Variants in WDR49 observed in about 807,000 individuals in gnomAD.
WDR49 encodes the protein cilia- and flagella-associated protein 337.
WDR49 carries 107 observed loss-of-function variants against 119.5 expected under a neutral mutation model. The observed-to-expected ratio is 0.90, with a 90% CI of 0.77 to 1.05. WDR49 has a LOEUF of 1.05. Among genes scored for constraint, WDR49 ranks in the 50% least tolerant of loss-of-function variants. The pLI, the probability that WDR49 is intolerant of heterozygous loss-of-function variation, is 0.00. For synonymous variants in WDR49, 425 were observed against 418.8 expected (o/e 1.01, Z -0.18); for missense variants, 1,240 against 1,220.5 (o/e 1.02, Z -0.24).
intron 18 of WDR49, among the ~76,000 whole-genome samples, chr3:167,498,685 A>G (rs1751449091): frequency 6.6e-6 from 1 of 152,178 alleles, no homozygotes. Context: ...CCTCCAGAGA[A>G]ATAGGCAATA....
chr3:167,613,240 A>G (rs971681077), intron 5 of WDR49, among the ~76,000 whole-genome samples: 5 of 152,216 alleles, frequency 3.3e-5, no homozygotes, highest in Admixed American at 2.6e-4. Context: ...TATCTATTCT[A>G]TCTTTAAAAT....
chr3:167,483,724 C>A (rs894489260), intron 18 of WDR49, among the ~76,000 whole-genome samples: 13 of 152,148 alleles, frequency 8.5e-5, no homozygotes, highest in African/African-American at 3.1e-4. Flanking sequence ...TAAAAAGATA[C>A]CTGAAATGCT....
intron 16 of WDR49, among the ~76,000 whole-genome samples, chr3:167,521,511 T>A (rs867157003): frequency 7.9e-5 from 12 of 152,330 alleles, no homozygotes; most frequent in Middle Eastern, 6.8e-3. Flanking sequence ...TAACATAGAA[T>A]GTTACAGAAG....
chr3:167,532,550 T>C (rs1041140793), intron 12 of WDR49, among the ~76,000 whole-genome samples: 38 of 152,094 alleles, frequency 2.5e-4, no homozygotes, highest in Admixed American at 7.2e-4. Context: ...CCAAAGGGTA[T>C]CTAACGTTCA....
intron 3 of WDR49, among the ~76,000 whole-genome samples, chr3:167,624,036 AATAAG>A (rs1239199208): frequency 6.6e-6 from 1 of 152,008 alleles, no homozygotes. Flanking sequence ...CTCGAAACTC[AATAAG>A]ATAACAATCC....
At chr3:167,577,148 C>A (rs1714290333) in intron 7 of WDR49, among the ~76,000 whole-genome samples, 1 of 152,064 alleles carries the variant, frequency 6.6e-6, no homozygotes, top group Admixed American at 6.6e-5. Context: ...GCTTTAGATT[C>A]AATAGACATT....
At chr3:167,593,799 T>C (rs887942178) in intron 7 of WDR49, among the ~76,000 whole-genome samples, 1 of 152,068 alleles carries the variant, frequency 6.6e-6, no homozygotes, top group South Asian at 2.1e-4. Flanking sequence ...GTAATCCCCA[T>C]GTGCTGAGGG....
chr3:167,529,211 T>A lies in WDR49; in HGVS notation c.2247A>T (p.Gly749=). ...TGGANLVSCG[G]SGYVRFWDIY... ...TATCCCAAAATCTGACATAACCAGA[T>A]CCTCCACATGATACCAGGTTAGCTC... The change falls in exon 14 of 19, where the codon GGA becomes GGT. Residue 749 remains glycine, a synonymous_variant. Transcript: ENST00000682715. The A allele has an allele frequency of 6.2e-7, 1 of 1,605,830 alleles. No individual in the cohort carries two copies. Among genetic ancestry groups the A allele is most frequent in the Non-Finnish European group, 8.5e-7 (1 of 1,177,340 alleles).
At chr3:167,491,728 T>G (rs1056900105) in intron 18 of WDR49, among the ~76,000 whole-genome samples, 12 of 152,112 alleles carry the variant, frequency 7.9e-5, no homozygotes, top group African/African-American at 2.9e-4. Context: ...TGGCAAAACC[T>G]GACTCAGAGG....
chr3:167,568,094 C>T (rs951457861), intron 8 of WDR49, among the ~76,000 whole-genome samples: 1 of 152,158 alleles, frequency 6.6e-6, no homozygotes, highest in South Asian at 2.1e-4. Context: ...TATTAATAAA[C>T]ATCCTTTGTG....
At chr3:167,635,613 A>C (rs1180535537) in intron 2 of WDR49, among the ~76,000 whole-genome samples, 5 of 151,692 alleles carry the variant, frequency 3.3e-5, no homozygotes, top group African/African-American at 1.2e-4. Context: ...TCCCAGTTTA[A>C]CACTACTGAG....
intron 8 of WDR49, among the ~76,000 whole-genome samples, chr3:167,569,652 A>G (rs1383936753): frequency 6.6e-6 from 1 of 150,598 alleles, no homozygotes; most frequent in Non-Finnish European, 1.5e-5. Flanking sequence ...AGCCATGATC[A>G]TGCCACTACA....
At chr3:167,513,191 G>C (rs112798610) in intron 16 of WDR49, among the ~76,000 whole-genome samples, 7 of 152,102 alleles carry the variant, frequency 4.6e-5, no homozygotes, top group African/African-American at 1.7e-4. Flanking sequence ...AAAATTAAAG[G>C]GCAGCCAGAG....
intron 5 of WDR49, among the ~76,000 whole-genome samples, chr3:167,612,953 T>C (rs1350261239): frequency 1.3e-5 from 2 of 152,198 alleles, no homozygotes; most frequent in Non-Finnish European, 2.9e-5. Flanking sequence ...CAAAAAAATT[T>C]ACTTAAAAAG....
chr3:167,485,747 A>G (rs1414279048), intron 18 of WDR49, among the ~76,000 whole-genome samples: 8 of 152,168 alleles, frequency 5.3e-5, no homozygotes, highest in Admixed American at 5.2e-4. Context: ...TCTGAAAACT[A>G]TGAGATTATA....
chr3:167,608,587 G>T (rs1716175870), intron 5 of WDR49, among the ~76,000 whole-genome samples: 1 of 152,180 alleles, frequency 6.6e-6, no homozygotes, highest in Admixed American at 6.5e-5. Flanking sequence ...GAATGCCAGA[G>T]TTCCTGAGAG....
At chr3:167,657,623 C>T (rs1352721790), upstream of WDR49, among the ~76,000 whole-genome samples, 1 of 151,872 alleles carries the variant, frequency 6.6e-6, no homozygotes, top group East Asian at 1.9e-4. Context: ...ACCATTCACA[C>T]TGAAGCCTGT....
At chr3:167,605,012 T>TTGTGTGTG (rs370361855) in intron 5 of WDR49, among the ~76,000 whole-genome samples, 47 of 143,464 alleles carry the variant, frequency 3.3e-4, no homozygotes, top group African/African-American at 1.2e-3. Flanking sequence ...TTAATTTGCT[T>TTGTGTGTG]TGTGTGTGTG....
intron 10 of WDR49, among the ~76,000 whole-genome samples, chr3:167,550,779 G>T (rs199686752): frequency 0.26 from 32,115 of 124,782 alleles, 3,730 homozygotes; most frequent in Non-Finnish European, 0.3. Flanking sequence ...TTTTTTTTTT[G>T]AGAGAGAGAG....
Sources: allele counts gnomAD v4.1 joint callset (sites outside exome capture counted in the v4.1 genomes callset), GRCh38; gene constraint gnomAD v4.1.1; transcripts MANE v1.5; gene names NCBI Gene and HGNC (gene_info 2026-07-23, HGNC 2026-07-21).